Variants in TCEA3 observed in about 807,000 individuals in gnomAD.
The protein encoded by TCEA3 is transcription elongation factor A3.
TCEA3 carries 36 observed loss-of-function variants against 44.0 expected under a neutral mutation model. That is an observed-to-expected ratio of 0.82 (90% CI 0.63 to 1.08). The LOEUF (loss-of-function observed/expected upper bound fraction) is 1.08, where lower values mean the gene tolerates loss of function less well. Ranked by LOEUF, TCEA3 falls within the 50% of genes least tolerant of loss-of-function variation. The pLI is 0.00. For missense variants in TCEA3, 392 were observed against 441.2 expected, an observed-to-expected ratio of 0.89 and a Z score of 1.00; for synonymous variants, 162 against 159.7, an observed-to-expected ratio of 1.01 and a Z score of -0.11.
At chr1:23,390,627 C>T (rs1439421252) in intron 8 of TCEA3, among the ~76,000 whole-genome samples, 2 of 152,084 alleles carry the variant, frequency 1.3e-5, no homozygotes, top group Non-Finnish European at 2.9e-5. Flanking sequence ...TCTTGTGTGC[C>T]AGCTAAGAAA....
chr1:23,404,550 G>A (rs1315332007), intron 5 of TCEA3, among the ~76,000 whole-genome samples: 1 of 152,086 alleles, frequency 6.6e-6, no homozygotes, highest in Non-Finnish European at 1.5e-5. Context: ...AGAAGGGAGA[G>A]GTGATGAGTT....
At position 23,393,996 on chromosome 1, in the gene TCEA3, G is replaced by A. The variant is rs748261543; in HGVS notation, c.702C>T (p.Tyr234=). ...TTATGCGGCTGCGCACGCGGTTCCG[G>A]TACTTCATGTCCGTGCTCTTGAGCT... ...YQELKSTDMK[Y]RNRVRSRISN... Residue 234 remains tyrosine (Y), a synonymous_variant, in exon 8 of 11, where the codon TAC becomes TAT. Transcript: ENST00000450454. 1 of 1,614,040 alleles carries A rather than the reference G, an allele frequency of 6.2e-7. No individual in the cohort carries two copies. Among genetic ancestry groups the A allele is most frequent in the Admixed American group, 1.7e-5 (1 of 60,026 alleles).
intron 8 of TCEA3, among the ~76,000 whole-genome samples, chr1:23,392,459 C>G (rs899012366): frequency 3.1e-5 from 4 of 127,206 alleles, no homozygotes; most frequent in Non-Finnish European, 4.7e-5. Flanking sequence ...CACACACACT[C>G]CACACATCAT....
intron 8 of TCEA3, among the ~76,000 whole-genome samples, chr1:23,389,203 T>C (rs61777147): frequency 0.16 from 24,803 of 152,058 alleles, 2,076 homozygotes; most frequent in South Asian, 0.27. Context: ...ATTTATTGGA[T>C]GTGGCCAGGT....
chr1:23,394,157 C>T (rs1639149139), intron 7 of TCEA3, 124 bp from the exon 8 acceptor site: 11 of 1,216,718 alleles, frequency 9.0e-6, no homozygotes, highest in Non-Finnish European at 8.9e-6. Context: ...GGAGTTGGGC[C>T]CCTCTTTTGT....
Position 23,424,743 on chromosome 1 carries a change from C to CA in TCEA3, c.-111dup. 1.4e-6 allele frequency: 1 copy of CA among 707,562 alleles called. No homozygotes were observed. Among genetic ancestry groups the CA allele is most frequent in the Non-Finnish European group, 2.3e-6 (1 of 430,204 alleles). The allele number at this position is 707,562 out of a possible 1,614,324, so 43.8% of individuals were successfully genotyped here. On this transcript the variant is annotated 5_prime_UTR_variant, in exon 1 of 11. Transcript: ENST00000450454. The stretch of plus-strand genomic sequence containing the variant: ...GCAACCCGCGCGGGCCCCAAACACA[C>CA]ACGACACACACGCCCGGCGGGGGCG...
chr1:23,393,218 G>C (rs143469404), intron 8 of TCEA3, among the ~76,000 whole-genome samples: 3,817 of 152,262 alleles, frequency 0.025, 148 homozygotes, highest in African/African-American at 0.087. Context: ...AGTAATGCGA[G>C]TGATGGGGAG....
Position 23,397,725 on chromosome 1 carries a change from T to A in TCEA3, c.607+67A>T, listed in dbSNP as rs931714879. Reference sequence around the variant, plus strand: ...GGGTGCTGAGAAAGACTGAATTTCATCTGCCCTCAGTGAGATTGGGAAAAG... The same window carrying A: ...GGGTGCTGAGAAAGACTGAATTTCAACTGCCCTCAGTGAGATTGGGAAAAG... On this transcript the variant is annotated intron_variant, in intron 6 of 10. Coordinates refer to ENST00000450454, the MANE Select transcript of TCEA3 (RefSeq NM_003196.3). 2.5e-6 allele frequency: 4 copies of A among 1,610,820 alleles called. No homozygotes were observed. The African/African-American group carries it at 5.3e-5, about 22-fold the overall frequency.
At chr1:23,381,588 A>G in intron 10 of TCEA3, 114 bp from the exon 11 acceptor site, 1 of 742,902 alleles carries the variant, frequency 1.3e-6, no homozygotes, top group Non-Finnish European at 2.5e-6. Flanking sequence ...CCAGAGTCCA[A>G]AGCCCAGCTC....
At chr1:23,419,641 A>G (rs1639999766) in intron 1 of TCEA3, among the ~76,000 whole-genome samples, 1 of 152,180 alleles carries the variant, frequency 6.6e-6, no homozygotes, top group Admixed American at 6.5e-5. Flanking sequence ...GTTCAAGACC[A>G]GCCTGGCCAA....
intron 4 of TCEA3, among the ~76,000 whole-genome samples, chr1:23,412,484 C>T (rs1310697942): frequency 1.3e-5 from 2 of 151,482 alleles, no homozygotes; most frequent in African/African-American, 4.9e-5. Flanking sequence ...GGGCGGATCA[C>T]TTGAGGTCAG....
Position 23,385,442 on chromosome 1 carries a change from G to A in TCEA3, c.967-1025C>T, listed in dbSNP as rs141271843. Among the ~76,000 whole-genome samples, 199 of 152,312 alleles carry A rather than the reference G, an allele frequency of 1.3e-3. 1 individual carries two copies. The highest frequency in any genetic ancestry group is 4.1e-3 in the African/African-American group (169 of 41,574). ...TAGAAAGAAGTGAGGCACAGGAAGC[G>A]CATCACTCCACACGGAAAGGTGCTT... On this transcript the variant is annotated intron_variant, in intron 9 of 10. Transcript: ENST00000450454.
intron 1 of TCEA3, among the ~76,000 whole-genome samples, chr1:23,420,310 C>T (rs1303158946): frequency 1.3e-5 from 2 of 152,216 alleles, no homozygotes; most frequent in Non-Finnish European, 2.9e-5. Context: ...GGCACAATCA[C>T]AGTTCACTGC....
At chr1:23,416,860 A>G (rs1449994309) in intron 4 of TCEA3, among the ~76,000 whole-genome samples, 1 of 152,174 alleles carries the variant, frequency 6.6e-6, no homozygotes, top group Non-Finnish European at 1.5e-5. Flanking sequence ...GACTGTTACA[A>G]GATTCGGGAT....
intron 4 of TCEA3, among the ~76,000 whole-genome samples, chr1:23,416,159 A>G (rs1042152840): frequency 6.6e-6 from 1 of 151,946 alleles, no homozygotes. Context: ...GGCATGTGCC[A>G]CCACACCCAG....
chr1:23,389,578 A>C (rs980080687), intron 8 of TCEA3, among the ~76,000 whole-genome samples: 3 of 151,628 alleles, frequency 2.0e-5, no homozygotes, highest in Non-Finnish European at 4.4e-5. Flanking sequence ...TGAACCTGGG[A>C]GGTGGAGGGT....
chr1:23,388,628 C>T (rs749566640), intron 8 of TCEA3, among the ~76,000 whole-genome samples: 7 of 152,054 alleles, frequency 4.6e-5, no homozygotes, highest in Non-Finnish European at 7.4e-5. Context: ...AATGCAGATT[C>T]CTATGAATCT....
At chr1:23,423,723 C>T in intron 1 of TCEA3, 1 of 455,962 alleles carries the variant, frequency 2.2e-6, no homozygotes. Context: ...GACCCAAGGC[C>T]AAATTTGCTC....
chr1:23,391,118 G>GT (rs201792270), intron 8 of TCEA3, among the ~76,000 whole-genome samples: 4,082 of 138,726 alleles, frequency 0.029, 148 homozygotes, highest in African/African-American at 0.088. Context: ...AGATTTTTCT[G>GT]TTTTTTTTTC....
Sources: gnomAD v4.1 joint callset for allele counts (sites outside exome capture counted in the v4.1 genomes callset) on GRCh38, gnomAD v4.1.1 for gene constraint, MANE v1.5 for transcripts, NCBI Gene and HGNC (gene_info 2026-07-23, HGNC 2026-07-21) for gene names.